EXPH5: variants seen among roughly 807,000 people sequenced by gnomAD.
EXPH5 encodes the protein exophilin-5.
EXPH5 carries 42 observed loss-of-function variants against 41.1 expected under a neutral mutation model. The observed-to-expected ratio is 1.02, with a 90% CI of 0.80 to 1.32. EXPH5 has a LOEUF of 1.32. Ranked by LOEUF, EXPH5 falls within the 40% of genes most tolerant of loss-of-function variation. The pLI, the probability that EXPH5 is intolerant of heterozygous loss-of-function variation, is 0.00. For synonymous variants in EXPH5, 798 were observed against 833.5 expected, an observed-to-expected ratio of 0.96 and a Z score of 0.73; for missense variants, 2,298 against 2,314.5, an observed-to-expected ratio of 0.99 and a Z score of 0.15.
intron 4 of EXPH5, among the ~76,000 whole-genome samples, chr11:108,525,017 T>C (rs952242482): frequency 6.6e-6 from 1 of 152,180 alleles, no homozygotes; most frequent in African/African-American, 2.4e-5. Flanking sequence ...GTTTCCCCCA[T>C]ACTGTTCTCG....
intron 4 of EXPH5, among the ~76,000 whole-genome samples, chr11:108,520,068 C>G (rs563720060): frequency 6.6e-6 from 1 of 151,758 alleles, no homozygotes; most frequent in Non-Finnish European, 1.5e-5. Context: ...CAGACCGGTA[C>G]TGGTCTGTGG....
chr11:108,511,962 T>C lies in EXPH5; in HGVS notation c.3545A>G (p.Lys1182Arg), dbSNP rs2093685524. The change falls in exon 6 of 6, where the codon AAG (lysine) becomes AGG (arginine). Residue 1182 changes from lysine (K) to arginine (R), a missense_variant. Transcript: ENST00000265843. ...DCSLTKRQHQ[K>R]ENFQEYTEKE... ...CTCAGTGTATTCTTGGAAGTTTTCC[T>C]TTTGGTGTTGTCTTTTGGTTAAAGA... The C allele has an allele frequency of 1.2e-6, 2 of 1,600,128 alleles. No homozygotes were observed. The highest frequency in any genetic ancestry group is 2.2e-5 in the East Asian group (1 of 44,846).
rs773555276 is a variant in EXPH5, at chr11:108,513,370, G to T, written c.2137C>A (p.Gln713Lys). Residue 713 changes from glutamine to lysine, a missense_variant, in exon 6 of 6, where the codon CAG (glutamine) becomes AAG (lysine). Physicochemically the swap from Gln to Lys is moderately conservative, Grantham distance 53. Coordinates refer to ENST00000265843, the MANE Select transcript of EXPH5 (RefSeq NM_015065.3). The stretch of plus-strand genomic sequence containing the variant: ...TTTGTCTGGTCCATCTTGCTTAGCT[G>T]TTTGTCTTCTTCTGAAATAGATTCA... ...LNESISEEDKQLSKMDQTNKA... is the reference protein window; with the variant it reads ...LNESISEEDKKLSKMDQTNKA... 2 of 1,614,074 alleles carry T rather than the reference G, an allele frequency of 1.2e-6. No homozygotes were observed. Among genetic ancestry groups the T allele is most frequent in the Non-Finnish European group, 1.7e-6 (2 of 1,179,988 alleles).
intron 3 of EXPH5, among the ~76,000 whole-genome samples, chr11:108,532,980 G>T (rs1204772718): frequency 6.6e-6 from 1 of 152,198 alleles, no homozygotes; most frequent in African/African-American, 2.4e-5. Context: ...GCCTGGGAAT[G>T]CAAGCCCTGT....
chr11:108,525,487 A>G (rs942926123), intron 4 of EXPH5, among the ~76,000 whole-genome samples: 1 of 152,250 alleles, frequency 6.6e-6, no homozygotes, highest in Non-Finnish European at 1.5e-5. Context: ...ACCCTGGGCT[A>G]GATGATCTCT....
At chr11:108,587,062 C>A (rs1161931902) in intron 1 of EXPH5, among the ~76,000 whole-genome samples, 2 of 152,128 alleles carry the variant, frequency 1.3e-5, no homozygotes, top group Non-Finnish European at 2.9e-5. Context: ...TTCTTAGCCA[C>A]CTTCTTCTCA....
At chr11:108,545,902 A>T (rs2093936053) in intron 1 of EXPH5, among the ~76,000 whole-genome samples, 1 of 143,206 alleles carries the variant, frequency 7.0e-6, no homozygotes, top group Non-Finnish European at 1.5e-5. Flanking sequence ...GATTTTGTCT[A>T]AAAAAAAAAA....
At chr11:108,543,580 T>C (rs1565811726) in intron 1 of EXPH5, among the ~76,000 whole-genome samples, 1 of 152,216 alleles carries the variant, frequency 6.6e-6, no homozygotes, top group Non-Finnish European at 1.5e-5. Context: ...GGGTCTGTCG[T>C]AAAGCACAAG....
the EXPH5 span, among the ~76,000 whole-genome samples, chr11:108,602,641 G>A: frequency 1.3e-5 from 2 of 151,954 alleles, no homozygotes; most frequent in African/African-American, 2.4e-5. Context: ...TGACTCCAGG[G>A]GCTCAAGCGA....
chr11:108,591,320 T>G (rs2094127073), intron 1 of EXPH5, among the ~76,000 whole-genome samples: 1 of 152,212 alleles, frequency 6.6e-6, no homozygotes, highest in Non-Finnish European at 1.5e-5. Context: ...CCATGTTGTC[T>G]CAGGCCCTTT....
At chr11:108,595,659 C>G (rs2094137878), upstream of EXPH5, among the ~76,000 whole-genome samples, 1 of 152,190 alleles carries the variant, frequency 6.6e-6, no homozygotes, top group South Asian at 2.1e-4. Context: ...ACATGATACA[C>G]AGATACACAG....
chr11:108,542,944 C>T (rs1366316175), intron 1 of EXPH5, among the ~76,000 whole-genome samples: 1 of 152,094 alleles, frequency 6.6e-6, no homozygotes, highest in Admixed American at 6.5e-5. Context: ...GTCTTGAACT[C>T]CTGACCTCTA....
At chr11:108,601,257 G>A in the EXPH5 span, among the ~76,000 whole-genome samples, 42 of 152,270 alleles carry the variant, frequency 2.8e-4, no homozygotes, top group Non-Finnish European at 5.1e-4. Flanking sequence ...TTTAATACCC[G>A]TAGTCACATG....
Position 108,513,574 on chromosome 11 carries a change from T to G in EXPH5, c.1933A>C (p.Asn645His), listed in dbSNP as rs1463836074. 1.2e-6 allele frequency: 2 copies of G among 1,614,080 alleles called. No individual in the cohort carries two copies. Among genetic ancestry groups the G allele is most frequent in the South Asian group, 1.1e-5 (1 of 91,072 alleles). ...SDDRRNPQSP[N>H]LQNPTVTLQK... ...AAAGTGACTGTGGGATTCTGCAAGT[T>G]GGGACTCTGAGGATTCCTTCTGTCA... Residue 645 changes from asparagine to histidine, a missense_variant, in exon 6 of 6, where the codon AAC becomes CAC. Transcript: ENST00000265843.
At chr11:108,547,301 C>G (rs1463150361) in intron 1 of EXPH5, among the ~76,000 whole-genome samples, 1 of 152,074 alleles carries the variant, frequency 6.6e-6, no homozygotes, top group African/African-American at 2.4e-5. Context: ...TCAAATGATC[C>G]TCCTGCCTCA....
rs74727652 is a variant in EXPH5 at position 108,530,610 on chromosome 11, T to C, written c.444-2426A>G. Among the ~76,000 whole-genome samples the C allele has an allele frequency of 6.7e-3, 1,015 of 152,328 alleles. 10 individuals carry two copies. The highest frequency in any genetic ancestry group is 0.023 in the African/African-American group (963 of 41,572). ...CATGCCAGACTGTGAAGGTTCTTTCTGGAATCCTGCTGGGCTACAGCCCTC... is the reference window on the plus strand; with the variant it reads ...CATGCCAGACTGTGAAGGTTCTTTCCGGAATCCTGCTGGGCTACAGCCCTC... On this transcript the variant is annotated intron_variant, in intron 3 of 5. Transcript: ENST00000265843.
chr11:108,601,035 A>T, the EXPH5 span, among the ~76,000 whole-genome samples: 6 of 152,224 alleles, frequency 3.9e-5, no homozygotes, highest in Non-Finnish European at 8.8e-5. Context: ...TGTTCACCAT[A>T]CAGGGGCTTC....
rs2093664877 is a variant in EXPH5, at chr11:108,509,850, T to C, written c.5657A>G (p.Tyr1886Cys). The change falls in exon 6 of 6, where the codon TAT (tyrosine) becomes TGT (cysteine). Residue 1886 changes from tyrosine to cysteine, a missense_variant. Transcript: ENST00000265843. Reference protein sequence around the residue: ...SAISIYRPIDYGIFGKEQQLA... With the variant: ...SAISIYRPIDCGIFGKEQQLA... ...CTGTTGTTCTTTCCCAAAGATCCCA[T>C]AGTCGATAGGTCTGTATATAGATAT... 1.2e-6 allele frequency: 2 copies of C among 1,613,638 alleles called. No homozygotes were observed. Among genetic ancestry groups the C allele is most frequent in the African/African-American group, 1.3e-5 (1 of 74,996 alleles).
In EXPH5 at chr11:108,510,041, T is replaced by C; in HGVS notation, c.5466A>G (p.Glu1822=). ...PPKVRERHFS[E]STSIDNALSR... ...TCAGGGCATTGTCAATAGAAGTGCT[T>C]TCAGAAAAATGGCGCTCCCTGACTT... The change falls in exon 6 of 6, where the codon GAA becomes GAG. Residue 1822 remains glutamate (E), a synonymous_variant. Coordinates refer to ENST00000265843, the MANE Select transcript of EXPH5 (RefSeq NM_015065.3). The C allele has an allele frequency of 4.3e-6, 7 of 1,611,976 alleles. No homozygotes were observed. The highest frequency in any genetic ancestry group is 5.9e-6 in the Non-Finnish European group (7 of 1,179,282).
Sources: gnomAD v4.1 joint callset for allele counts (sites outside exome capture counted in the v4.1 genomes callset) on GRCh38, gnomAD v4.1.1 for gene constraint, MANE v1.5 for transcripts, NCBI Gene and HGNC (gene_info 2026-07-23, HGNC 2026-07-21) for gene names.